SESN2: variants seen among roughly 807,000 people sequenced by gnomAD.
SESN2 encodes sestrin 2, also known as sestrin-2.
SESN2 carries 42 observed loss-of-function variants against 56.0 expected under a neutral mutation model. The ratio of observed to expected loss-of-function variants is 0.75; its 90% CI spans 0.59 to 0.97. The LOEUF (loss-of-function observed/expected upper bound fraction) is 0.97. SESN2 is among the 50% of genes least tolerant of loss of function. The pLI, the probability that SESN2 is intolerant of heterozygous loss-of-function variation, is 0.00. For synonymous variants in SESN2, 264 were observed against 267.1 expected (o/e 0.99, Z 0.11); for missense variants, 507 against 649.4 (o/e 0.78, Z 2.38).
At chr1:28,266,745 CAG>C (rs1360599343) in intron 1 of SESN2, among the ~76,000 whole-genome samples, 1 of 151,902 alleles carries the variant, frequency 6.6e-6, no homozygotes, top group Non-Finnish European at 1.5e-5. Flanking sequence ...TTTGTGGAGA[CAG>C]GGGTCTCACT....
chr1:28,267,642 T>C (rs1647604000), intron 1 of SESN2, among the ~76,000 whole-genome samples: 1 of 152,140 alleles, frequency 6.6e-6, no homozygotes. Flanking sequence ...GAGAGCCACC[T>C]CCACTCTCAG....
At chr1:28,262,891 G>A (rs964026276) in intron 1 of SESN2, among the ~76,000 whole-genome samples, 5 of 152,302 alleles carry the variant, frequency 3.3e-5, no homozygotes, top group Admixed American at 2.0e-4. Flanking sequence ...TCGCTTCACT[G>A]TACTCCAGCC....
At chr1:28,260,179 T>C (rs1163538931) in intron 1 of SESN2, among the ~76,000 whole-genome samples, 1 of 101,098 alleles carries the variant, frequency 9.9e-6, no homozygotes, top group Non-Finnish European at 2.0e-5. Flanking sequence ...CCCCTCTCCC[T>C]CACCGCCCCA....
At position 28,281,242 on chromosome 1, in the gene SESN2, G is replaced by C. The variant is rs1201473660; in HGVS notation, c.*440G>C. ...TGCCTTCTCTCCCCTGTCATTTCCA[G>C]ATTTCATTACCTCCTACTTGCCATT... On this transcript the variant is annotated 3_prime_UTR_variant, in exon 10 of 10. Transcript: ENST00000253063. The C allele has an allele frequency of 6.2e-6, 1 of 160,386 alleles. No homozygotes were observed. Among genetic ancestry groups the C allele is most frequent in the African/African-American group, 2.4e-5 (1 of 41,702 alleles). The allele number at this position is 160,386 out of a possible 1,614,324, so 9.9% of individuals were successfully genotyped here. A position where few individuals can be genotyped will look rare whatever the true frequency, so the allele number is the denominator to read the frequency against.
At chr1:28,264,460 T>TA (rs1322056536) in intron 1 of SESN2, among the ~76,000 whole-genome samples, 1 of 152,242 alleles carries the variant, frequency 6.6e-6, no homozygotes, top group Non-Finnish European at 1.5e-5. Context: ...TTGCCCCATG[T>TA]GATCTGTTTA....
intron 5 of SESN2, among the ~76,000 whole-genome samples, 171 bp from the exon 6 acceptor site, chr1:28,273,187 G>A (rs553874810): frequency 1.3e-5 from 2 of 152,282 alleles, no homozygotes; most frequent in African/African-American, 4.8e-5. Context: ...CTTTGTAAAC[G>A]TCACTTTAGG....
intron 5 of SESN2, 89 bp from the exon 6 acceptor site, chr1:28,273,269 G>T: frequency 7.6e-7 from 1 of 1,315,316 alleles, no homozygotes; most frequent in Non-Finnish European, 1.0e-6. Flanking sequence ...GTGAGCATTA[G>T]GAAGGCCTGG....
In SESN2 at chr1:28,261,930, G is replaced by A. The variant is rs545342485; in HGVS notation, c.90+1993G>A. Among the ~76,000 whole-genome samples, 7 of 151,906 alleles carry A rather than the reference G, an allele frequency of 4.6e-5. 1 individual carries two copies. Among genetic ancestry groups the A allele is most frequent in the African/African-American group, 1.4e-4 (6 of 41,408 alleles). ...CTAGTAGTTGGGATTACAGGCACCCGCCACCATGCCCAGCTAATTTTTGTA... is the reference window on the plus strand; with the variant it reads ...CTAGTAGTTGGGATTACAGGCACCCACCACCATGCCCAGCTAATTTTTGTA... On this transcript the variant is annotated intron_variant, in intron 1 of 9. Coordinates refer to ENST00000253063, the MANE Select transcript of SESN2 (RefSeq NM_031459.5).
intron 6 of SESN2, among the ~76,000 whole-genome samples, chr1:28,273,832 C>G (rs1026356173): frequency 2.0e-5 from 3 of 152,186 alleles, no homozygotes; most frequent in Non-Finnish European, 4.4e-5. Flanking sequence ...ATTGTTGTTA[C>G]CAGGGGCCTC....
rs768479469 is a variant in SESN2, at chr1:28,278,690, AAAAC to A, written c.1212-403_1212-400del. On this transcript the variant is annotated intron_variant, in intron 8 of 9. Coordinates refer to ENST00000253063, the MANE Select transcript of SESN2 (RefSeq NM_031459.5). ...CTGCCTTGTTGATCATGAAAAAACA[AAAAC>A]AAAGACCATTCCTTGCTGTATTAAC... 1.3e-4 allele frequency among the ~76,000 whole-genome samples: 20 copies of A among 152,366 alleles called. No individual in the cohort carries two copies. In the South Asian group the frequency reaches 1.9e-3, roughly 14 times the overall value.
At chr1:28,263,573 T>C (rs559151155) in intron 1 of SESN2, among the ~76,000 whole-genome samples, 1 of 152,284 alleles carries the variant, frequency 6.6e-6, no homozygotes, top group East Asian at 1.9e-4. Context: ...GACCAGGGAC[T>C]TACAGGCTCT....
At chr1:28,260,507 G>T (rs1226395721) in intron 1 of SESN2, among the ~76,000 whole-genome samples, 1 of 152,182 alleles carries the variant, frequency 6.6e-6, no homozygotes. Context: ...GAGGGAGAGC[G>T]CAGGGGCTCT....
At chr1:28,267,880 T>C (rs545862242) in intron 1 of SESN2, among the ~76,000 whole-genome samples, 2 of 152,318 alleles carry the variant, frequency 1.3e-5, no homozygotes, top group African/African-American at 4.8e-5. Flanking sequence ...GACCTGGCGC[T>C]GCTCTCCACT....
At chr1:28,265,391 G>T (rs1371714724) in intron 1 of SESN2, among the ~76,000 whole-genome samples, 1 of 151,982 alleles carries the variant, frequency 6.6e-6, no homozygotes, top group South Asian at 2.1e-4. Context: ...TAGTTTTTGG[G>T]GTGTGTGTTT....
Position 28,259,577 on chromosome 1 carries a change from C to T in SESN2, c.-271C>T, listed in dbSNP as rs1647297300. ...CTGGGTCCGGGAGCAGCCCTGGCCC[C>T]TGCGGACTTCCGAGGCCGTGAAAAC... On this transcript the variant is annotated 5_prime_UTR_variant, in exon 1 of 10. Transcript: ENST00000253063. 1 of 381,440 alleles carries T rather than the reference C, an allele frequency of 2.6e-6. No homozygotes were observed. Among genetic ancestry groups the T allele is most frequent in the Admixed American group, 4.7e-5 (1 of 21,464 alleles). The allele number at this position is 381,440 out of a possible 1,614,324, so 23.6% of individuals were successfully genotyped here.
chr1:28,274,797 C>G, intron 7 of SESN2, 28 bp from the exon 8 acceptor site: 1 of 1,573,280 alleles, frequency 6.4e-7, no homozygotes. Context: ...GCTCCAAAGA[C>G]TCACCAATCC....
chr1:28,259,990 G>C (rs1647312144), intron 1 of SESN2, 53 bp downstream of exon 1: 1 of 1,364,426 alleles, frequency 7.3e-7, no homozygotes, highest in East Asian at 2.9e-5. Flanking sequence ...AACCGCGTCT[G>C]AGCCTCAGGC....
chr1:28,262,225 C>G (rs1647397493), intron 1 of SESN2, among the ~76,000 whole-genome samples: 1 of 152,164 alleles, frequency 6.6e-6, no homozygotes, highest in Non-Finnish European at 1.5e-5. Context: ...CCCAGGCGTG[C>G]AGCTCCCTTA....
Position 28,280,903 on chromosome 1 carries a change from C to G in SESN2, c.*101C>G. ...GTGTCCCATGCCCACCCTCCCCACG[C>G]TGCAGTGGGCTTGTGTGTGATGTGC... On this transcript the variant is annotated 3_prime_UTR_variant, in exon 10 of 10. Transcript: ENST00000253063. The G allele has an allele frequency of 1.2e-6, 1 of 843,776 alleles. No individual in the cohort carries two copies. The highest frequency in any genetic ancestry group is 1.9e-5 in the Admixed American group (1 of 53,158). 52.3% of individuals were successfully genotyped at this position (843,776 alleles called of 1,614,324 possible).
Sources: gnomAD v4.1 joint callset for allele counts (sites outside exome capture counted in the v4.1 genomes callset) on GRCh38, gnomAD v4.1.1 for gene constraint, MANE v1.5 for transcripts, NCBI Gene and HGNC (gene_info 2026-07-23, HGNC 2026-07-21) for gene names.